The following KCNQ1 variants were observed in gnomAD, a reference collection of about 807,000 sequenced individuals.
KCNQ1 encodes potassium voltage-gated channel subfamily KQT member 1.
KCNQ1 carries 49 observed loss-of-function variants against 72.4 expected under a neutral mutation model. The observed-to-expected ratio is 0.68, with a 90% CI of 0.54 to 0.86. The LOEUF (loss-of-function observed/expected upper bound fraction) is 0.86. Among genes scored for constraint, KCNQ1 ranks in the 40% least tolerant of loss-of-function variants. The pLI is 0.00. For missense variants in KCNQ1, 790 were observed against 945.1 expected (o/e 0.84, Z 2.15); for synonymous variants, 450 against 412.6 (o/e 1.09, Z -1.10).
chr11:2,585,158 A>T (rs1431523477), intron 7 of KCNQ1, 54 bp from the exon 8 acceptor site: 12 of 1,491,696 alleles, frequency 8.0e-6, no homozygotes, highest in Non-Finnish European at 1.1e-5. Flanking sequence ...CTGAGGCTGC[A>T]CCCAGCTGGC....
At chr11:2,706,007 A>G (rs921082309) in intron 11 of KCNQ1, among the ~76,000 whole-genome samples, 3 of 152,198 alleles carry the variant, frequency 2.0e-5, no homozygotes, top group Non-Finnish European at 4.4e-5. Context: ...TAATCAAGCT[A>G]GGCAGGCTCA....
intron 12 of KCNQ1, among the ~76,000 whole-genome samples, chr11:2,775,706 G>A (rs184391870): frequency 2.2e-4 from 33 of 152,318 alleles, no homozygotes; most frequent in African/African-American, 6.7e-4. Context: ...GGCCCCTGCC[G>A]GTGAGTAGAC....
intron 6 of KCNQ1, among the ~76,000 whole-genome samples, chr11:2,583,043 T>C (rs1564824149): frequency 6.6e-6 from 1 of 152,088 alleles, no homozygotes; most frequent in Non-Finnish European, 1.5e-5. Context: ...CCAGCCTCAG[T>C]GGGAGCTCCC....
At chr11:2,639,929 G>C (rs562396185) in intron 10 of KCNQ1, 1 of 153,658 alleles carries the variant, frequency 6.5e-6, no homozygotes, top group Non-Finnish European at 1.4e-5. Flanking sequence ...CCCCAGCCTC[G>C]CTGCCGCCTT....
At chr11:2,697,250 T>C in intron 11 of KCNQ1, 1 of 398,586 alleles carries the variant, frequency 2.5e-6, no homozygotes, top group Non-Finnish European at 4.4e-6. Flanking sequence ...AAAAGCCCTT[T>C]GGGGGTTTCA....
At position 2,711,429 on chromosome 11, in the gene KCNQ1, C is replaced by T. The variant is rs1216939308; in HGVS notation, c.1514+49348C>T. ...TCCTGCCTGGAGTGTTCTCTCTCCTCCCTTTTCTGTGAGCCGTCATGAAAC... is the reference window on the plus strand; with the variant it reads ...TCCTGCCTGGAGTGTTCTCTCTCCTTCCTTTTCTGTGAGCCGTCATGAAAC... On this transcript the variant is annotated intron_variant, in intron 11 of 15. Coordinates refer to ENST00000155840, the MANE Select transcript of KCNQ1 (RefSeq NM_000218.3). The surrounding 1 kb of genome is among the most constrained non-coding windows in gnomAD (Gnocchi z 5.4). Among the ~76,000 whole-genome samples the T allele has an allele frequency of 1.3e-5, 2 of 152,216 alleles. No homozygotes were observed. The highest frequency in any genetic ancestry group is 3.9e-4 in the East Asian group (2 of 5,194).
At position 2,445,041 on chromosome 11, in the gene KCNQ1, T is replaced by G; in HGVS notation, c.-58T>G. 6.8e-6 allele frequency: 7 copies of G among 1,031,074 alleles called. No individual in the cohort carries two copies. Among genetic ancestry groups the G allele is most frequent in the Non-Finnish European group, 8.1e-6 (7 of 860,202 alleles). 63.9% of individuals were successfully genotyped at this position (1,031,074 alleles called of 1,614,324 possible). ...CCCGCACTGCGCCCGGGCGCTCGCC[T>G]TCGCTGCAGCTCCCGGTGCCGCCGC... On this transcript the variant is annotated 5_prime_UTR_variant, in exon 1 of 16. Transcript: ENST00000155840.
At position 2,461,702 on chromosome 11, in the gene KCNQ1, G is replaced by C. The variant is rs200863082; in HGVS notation, c.386+16218G>C. On this transcript the variant is annotated intron_variant, in intron 1 of 15. Transcript: ENST00000155840. ...GCCTGTGCTTCCTGAGCCAGTGCGG[G>C]GCCTGGCATGGAGTAGGTACCCCGG... The C allele has an allele frequency of 2.2e-6, 3 of 1,367,168 alleles. No homozygotes were observed. In the Admixed American group the frequency reaches 5.7e-5, roughly 26 times the overall value. The allele number at this position is 1,367,168 out of a possible 1,614,324, so 84.7% of individuals were successfully genotyped here. A position where few individuals can be genotyped will look rare whatever the true frequency, so the allele number is the denominator to read the frequency against.
Position 2,673,401 on chromosome 11 carries a change from C to A in KCNQ1, c.1514+11320C>A, listed in dbSNP as rs1249530759. The A allele has an allele frequency of 5.0e-6, 2 of 398,584 alleles. No individual in the cohort carries two copies. Among genetic ancestry groups the A allele is most frequent in the Non-Finnish European group, 4.4e-6 (1 of 226,100 alleles). The allele number at this position is 398,584 out of a possible 1,614,324, so 24.7% of individuals were successfully genotyped here. A position where few individuals can be genotyped will look rare whatever the true frequency, so the allele number is the denominator to read the frequency against. ...CTCCCCTTGGCCTTTGTTTAGCCCA[C>A]CTTCTGCCTAGGCACCAGGCCTGGA... On this transcript the variant is annotated intron_variant, in intron 11 of 15. Transcript: ENST00000155840. The surrounding 1 kb of genome is among the most constrained non-coding windows in gnomAD (Gnocchi z 4.5).
At chr11:2,737,558 T>G (rs1001995296) in intron 11 of KCNQ1, among the ~76,000 whole-genome samples, 1 of 152,228 alleles carries the variant, frequency 6.6e-6, no homozygotes, top group Non-Finnish European at 1.5e-5. Flanking sequence ...AAGTGCTACT[T>G]GAAAATAAAA....
rs1036586744 is a variant in KCNQ1, at chr11:2,781,760, A to G, written c.1794+3723A>G. On this transcript the variant is annotated intron_variant, in intron 15 of 15. Coordinates refer to ENST00000155840, the MANE Select transcript of KCNQ1 (RefSeq NM_000218.3). The surrounding 1 kb of genome is among the most constrained non-coding windows in gnomAD (Gnocchi z 6.6). ...TATGAGGAGCACAGTGGGCTGGGAG[A>G]GTTTCTTTCTTCTCTGTTTTTGCCG... Among the ~76,000 whole-genome samples the G allele has an allele frequency of 3.9e-5, 6 of 151,960 alleles. No individual in the cohort carries two copies. The highest frequency in any genetic ancestry group is 1.5e-4 in the African/African-American group (6 of 41,328).
In KCNQ1 at chr11:2,623,418, C is replaced by T. The variant is rs778957491; in HGVS notation, c.1393+34564C>T. On this transcript the variant is annotated intron_variant, in intron 10 of 15. Transcript: ENST00000155840. The surrounding 1 kb of genome is among the most constrained non-coding windows in gnomAD (Gnocchi z 5.2). The stretch of plus-strand genomic sequence containing the variant: ...GCCCTAAAAGTACTCTGTGCACTGC[C>T]TATTCAACCCTTCTTCCCCAACAAC... 1.8e-5 allele frequency: 7 copies of T among 398,492 alleles called. No individual in the cohort carries two copies. Among genetic ancestry groups the T allele is most frequent in the African/African-American group, 4.1e-5 (2 of 48,628 alleles). 24.7% of individuals were successfully genotyped at this position (398,492 alleles called of 1,614,324 possible). A position where few individuals can be genotyped will look rare whatever the true frequency, so the allele number is the denominator to read the frequency against.
Position 2,685,241 on chromosome 11 carries a change from C to T in KCNQ1, c.1514+23160C>T, listed in dbSNP as rs915884446. 4 of 398,664 alleles carry T rather than the reference C, an allele frequency of 1.0e-5. No individual in the cohort carries two copies. The East Asian group carries it at 1.4e-4, about 14-fold the overall frequency. 24.7% of individuals were successfully genotyped at this position (398,664 alleles called of 1,614,324 possible). ...CACGGAGGCACTACTTCAGTCCTCCCATTACCAAACTCCAGGGCACACGTG... is the reference window on the plus strand; with the variant it reads ...CACGGAGGCACTACTTCAGTCCTCCTATTACCAAACTCCAGGGCACACGTG... On this transcript the variant is annotated intron_variant, in intron 11 of 15. Coordinates refer to ENST00000155840, the MANE Select transcript of KCNQ1 (RefSeq NM_000218.3).
chr11:2,522,306 C>T (rs551404265), intron 1 of KCNQ1, among the ~76,000 whole-genome samples: 25 of 152,280 alleles, frequency 1.6e-4, no homozygotes, highest in African/African-American at 5.5e-4. Flanking sequence ...CCCACCCCTT[C>T]GCTAGCCTGT....
rs1259229771 is a variant in KCNQ1, at chr11:2,451,007, G to A, written c.386+5523G>A. Reference sequence around the variant, plus strand: ...CTTCCCACTTCTCGACCATCTCCTGGGAAGTTCTAATGTTTGGTTCAGGGT... The same window carrying A: ...CTTCCCACTTCTCGACCATCTCCTGAGAAGTTCTAATGTTTGGTTCAGGGT... On this transcript the variant is annotated intron_variant, in intron 1 of 15. Coordinates refer to ENST00000155840, the MANE Select transcript of KCNQ1 (RefSeq NM_000218.3). This position sits in a 1 kb window ranked among gnomAD's most constrained non-coding sequence, Gnocchi z 6.4. Among the ~76,000 whole-genome samples, 1 of 152,088 alleles carries A rather than the reference G, an allele frequency of 6.6e-6. No individual in the cohort carries two copies. The highest frequency in any genetic ancestry group is 1.5e-5 in the Non-Finnish European group (1 of 68,012).
intron 1 of KCNQ1, among the ~76,000 whole-genome samples, chr11:2,449,511 G>C (rs188736599): frequency 0.013 from 1,998 of 152,304 alleles, 16 homozygotes; most frequent in Non-Finnish European, 0.02. Context: ...TGGAGCCAGG[G>C]AGCTGGCACG....
At chr11:2,499,526 G>GCCCC (rs1564798216) in intron 1 of KCNQ1, among the ~76,000 whole-genome samples, 5 of 57,314 alleles carry the variant, frequency 8.7e-5, no homozygotes, top group South Asian at 6.6e-4. Flanking sequence ...ATGGACCCCT[G>GCCCC]CCCCCACAAA....
rs1848830877 is a variant in KCNQ1, at chr11:2,603,138, G to A, written c.1393+14284G>A. On this transcript the variant is annotated intron_variant, in intron 10 of 15. Coordinates refer to ENST00000155840, the MANE Select transcript of KCNQ1 (RefSeq NM_000218.3). This position sits in a 1 kb window ranked among gnomAD's most constrained non-coding sequence, Gnocchi z 4.1. Reference sequence around the variant, plus strand: ...TATTGTGGTTCGGTTCCAGTACACTGCAATGAAGCAAATATTGCAATAAAG... The same window carrying A: ...TATTGTGGTTCGGTTCCAGTACACTACAATGAAGCAAATATTGCAATAAAG... Among the ~76,000 whole-genome samples, 1 of 152,196 alleles carries A rather than the reference G, an allele frequency of 6.6e-6. No homozygotes were observed. Among genetic ancestry groups the A allele is most frequent in the Non-Finnish European group, 1.5e-5 (1 of 68,040 alleles).
intron 15 of KCNQ1, among the ~76,000 whole-genome samples, chr11:2,841,136 G>A (rs763722290): frequency 4.6e-5 from 7 of 152,188 alleles, no homozygotes; most frequent in East Asian, 1.9e-4. Context: ...GAGATGAGAC[G>A]AGGAGGCCGC....
Sources: allele counts gnomAD v4.1 joint callset (sites outside exome capture counted in the v4.1 genomes callset), GRCh38; gene constraint gnomAD v4.1.1; non-coding constraint Gnocchi (gnomAD v3.1); transcripts MANE v1.5; gene names NCBI Gene and HGNC (gene_info 2026-07-23, HGNC 2026-07-21).